Variants in ADGRG7 observed in about 807,000 individuals in gnomAD.
ADGRG7 encodes G-protein coupled receptor 128.
In ADGRG7, 82 loss-of-function variants were observed where a neutral mutation model predicts 88.6. That is an observed-to-expected ratio of 0.93 (90% confidence interval 0.77 to 1.11). The LOEUF is 1.11. Among genes scored for constraint, ADGRG7 ranks in the 50% most tolerant of loss-of-function variants. The pLI is 0.00. For missense variants in ADGRG7, 945 were observed against 953.4 expected (o/e 0.99, Z 0.12); for synonymous variants, 381 against 345.2 (o/e 1.10, Z -1.15).
intron 15 of ADGRG7, among the ~76,000 whole-genome samples, chr3:100,676,894 C>A (rs192761610): frequency 1.3e-5 from 2 of 152,026 alleles, no homozygotes; most frequent in Admixed American, 1.3e-4. Context: ...GTCTTGAAAT[C>A]TATTTTTTCT....
chr3:100,650,605 A>G (rs2094927695), intron 11 of ADGRG7, among the ~76,000 whole-genome samples: 1 of 152,232 alleles, frequency 6.6e-6, no homozygotes, highest in South Asian at 2.1e-4. Context: ...TACTGCAATC[A>G]TGGAATTTTT....
chr3:100,613,590 C>T (rs1216695131), intron 1 of ADGRG7, among the ~76,000 whole-genome samples: 1 of 151,132 alleles, frequency 6.6e-6, no homozygotes, highest in Non-Finnish European at 1.5e-5. Flanking sequence ...TAAATTTATT[C>T]CAGTTTGGCT....
intron 6 of ADGRG7, among the ~76,000 whole-genome samples, chr3:100,638,405 T>G (rs945398809): frequency 6.6e-6 from 1 of 152,184 alleles, no homozygotes; most frequent in African/African-American, 2.4e-5. Flanking sequence ...AGGTTGCCTC[T>G]CACTGTCTCT....
Position 100,646,003 on chromosome 3 carries a change from A to C in ADGRG7, c.1005A>C (p.Lys335Asn). 6.2e-7 allele frequency: 1 copy of C among 1,614,146 alleles called. No homozygotes were observed. Among genetic ancestry groups the C allele is most frequent in the East Asian group, 2.2e-5 (1 of 44,862 alleles). The change falls in exon 9 of 16, where the codon AAA becomes AAC. Residue 335 changes from lysine (K) to asparagine (N), a missense_variant. By Grantham distance (94) the Lys-to-Asn change is moderately conservative. Transcript: ENST00000273352. ...VYQNDKLFQSKTFTAKSDFSQ... is the reference protein window; with the variant it reads ...VYQNDKLFQSNTFTAKSDFSQ... ...AAAATGACAAGCTTTTCCAATCAAA[A>C]ACTTTTACAGCTAAATCGGATTTTA...
Position 100,695,153 on chromosome 3 carries a change from C to A in ADGRG7, c.*152C>A. ...ATAAAACCTGTTGTTTATTATTATTCGGCATAATGGACTTGGTAGTTTTTC... is the reference window on the plus strand; with the variant it reads ...ATAAAACCTGTTGTTTATTATTATTAGGCATAATGGACTTGGTAGTTTTTC... On this transcript the variant is annotated 3_prime_UTR_variant, in exon 16 of 16. Coordinates refer to ENST00000273352, the MANE Select transcript of ADGRG7 (RefSeq NM_032787.3). The A allele has an allele frequency of 1.3e-6, 1 of 744,336 alleles. No homozygotes were observed. Among genetic ancestry groups the A allele is most frequent in the Non-Finnish European group, 2.1e-6 (1 of 469,214 alleles). 46.1% of individuals were successfully genotyped at this position (744,336 alleles called of 1,614,324 possible).
intron 3 of ADGRG7, among the ~76,000 whole-genome samples, chr3:100,632,406 A>T (rs936909273): frequency 1.3e-5 from 2 of 152,148 alleles, no homozygotes; most frequent in African/African-American, 4.8e-5. Context: ...CTAATTACTC[A>T]ATATTATATA....
intron 1 of ADGRG7, among the ~76,000 whole-genome samples, chr3:100,621,061 T>C (rs1398090976): frequency 6.6e-6 from 1 of 152,116 alleles, no homozygotes; most frequent in Non-Finnish European, 1.5e-5. Context: ...GTGAACCACG[T>C]CCATGTAAAG....
At chr3:100,644,561 C>G (rs1404659825) in intron 8 of ADGRG7, among the ~76,000 whole-genome samples, 2 of 152,030 alleles carry the variant, frequency 1.3e-5, no homozygotes, top group African/African-American at 2.4e-5. Context: ...AAGAGAGAGA[C>G]AATATTACAG....
chr3:100,654,518 C>A, intron 11 of ADGRG7: 1 of 235,114 alleles, frequency 4.3e-6, no homozygotes, highest in East Asian at 1.1e-4. Context: ...AGGGACTACG[C>A]AGGGCTACCT....
At chr3:100,662,340 TA>T (rs1192683055) in intron 14 of ADGRG7, among the ~76,000 whole-genome samples, 2 of 152,128 alleles carry the variant, frequency 1.3e-5, no homozygotes, top group Admixed American at 1.3e-4. Context: ...GTAATGACAG[TA>T]AAAAAATTTA....
intron 13 of ADGRG7, among the ~76,000 whole-genome samples, chr3:100,659,007 A>G (rs1216445226): frequency 6.6e-6 from 1 of 152,196 alleles, no homozygotes; most frequent in Non-Finnish European, 1.5e-5. Context: ...TCAGATGAGA[A>G]AAAAACGCCA....
intron 6 of ADGRG7, among the ~76,000 whole-genome samples, chr3:100,640,448 G>A (rs924260054): frequency 2.0e-5 from 3 of 152,182 alleles, no homozygotes; most frequent in African/African-American, 7.2e-5. Context: ...AGTGGGCAGA[G>A]CTCTGGAGGT....
chr3:100,616,918 G>A (rs1707234311), intron 1 of ADGRG7, among the ~76,000 whole-genome samples: 1 of 152,062 alleles, frequency 6.6e-6, no homozygotes, highest in Non-Finnish European at 1.5e-5. Context: ...ATTCAACACA[G>A]TAATATAAAG....
At chr3:100,644,223 C>T (rs74980720) in intron 8 of ADGRG7, among the ~76,000 whole-genome samples, 1 of 151,806 alleles carries the variant, frequency 6.6e-6, no homozygotes, top group Admixed American at 6.6e-5. Flanking sequence ...GACACACTTA[C>T]TTTTCATTTC....
rs1048629158 is a variant in ADGRG7 at position 100,640,017 on chromosome 3, A to G, written c.698+2615A>G. On this transcript the variant is annotated intron_variant, in intron 6 of 15. Transcript: ENST00000273352. ...TGTTCCATCAGTTTATCTTCTACCAACGTGATCTTTTGCATAAGCTCTTGT... is the reference window on the plus strand; with the variant it reads ...TGTTCCATCAGTTTATCTTCTACCAGCGTGATCTTTTGCATAAGCTCTTGT... 3.3e-5 allele frequency among the ~76,000 whole-genome samples: 5 copies of G among 152,332 alleles called. No individual in the cohort carries two copies. The East Asian group carries it at 7.7e-4, about 24-fold the overall frequency.
At chr3:100,610,532 T>C (rs1434474422) in intron 1 of ADGRG7, among the ~76,000 whole-genome samples, 1 of 152,224 alleles carries the variant, frequency 6.6e-6, no homozygotes, top group Non-Finnish European at 1.5e-5. Context: ...TAAATGACTT[T>C]CCTGATTATT....
intron 14 of ADGRG7, among the ~76,000 whole-genome samples, chr3:100,661,252 T>C (rs888533644): frequency 6.6e-6 from 1 of 152,218 alleles, no homozygotes; most frequent in Admixed American, 6.5e-5. Context: ...AATGAGACTA[T>C]GAGTTCAGAT....
chr3:100,627,964 T>A (rs538894261), intron 1 of ADGRG7, among the ~76,000 whole-genome samples: 67 of 152,302 alleles, frequency 4.4e-4, no homozygotes, highest in African/African-American at 1.6e-3. Context: ...GAAGCTCTGT[T>A]TATTTTTTTA....
chr3:100,636,902 C>T (rs750377451), intron 5 of ADGRG7, among the ~76,000 whole-genome samples: 2 of 152,160 alleles, frequency 1.3e-5, no homozygotes, highest in Non-Finnish European at 2.9e-5. Context: ...AACAGGTATA[C>T]TAAGTATAAC....
Sources: gnomAD v4.1 joint callset for allele counts (sites outside exome capture counted in the v4.1 genomes callset) on GRCh38, gnomAD v4.1.1 for gene constraint, MANE v1.5 for transcripts, NCBI Gene and HGNC (gene_info 2026-07-23, HGNC 2026-07-21) for gene names.